SLCO4A1: variants seen among roughly 807,000 people sequenced by gnomAD.
SLCO4A1 encodes the protein solute carrier organic anion transporter family member 4A1, also known as colon organic anion transporter.
A neutral mutation model predicts 64.6 loss-of-function variants in SLCO4A1; 51 were observed. The ratio of observed to expected loss-of-function variants is 0.79; its 90% CI spans 0.63 to 1.00. The LOEUF (loss-of-function observed/expected upper bound fraction) is 1.00, where lower values mean the gene tolerates loss of function less well. SLCO4A1 is among the 50% of genes least tolerant of loss of function. The pLI, the probability that SLCO4A1 is intolerant of heterozygous loss-of-function variation, is 0.00. For synonymous variants in SLCO4A1, 471 were observed against 444.9 expected (o/e 1.06, Z -0.74); for missense variants, 919 against 980.5 (o/e 0.94, Z 0.84).
intron 1 of SLCO4A1, among the ~76,000 whole-genome samples, chr20:62,653,773 G>A (rs1983081594): frequency 6.6e-6 from 1 of 152,002 alleles, no homozygotes; most frequent in African/African-American, 2.4e-5. Context: ...CACACCAAAG[G>A]GCTTAAAAAA....
chr20:62,686,476 C>T (rs1057347183), downstream of SLCO4A1, among the ~76,000 whole-genome samples: 2 of 152,166 alleles, frequency 1.3e-5, no homozygotes, highest in Non-Finnish European at 2.9e-5. Flanking sequence ...ACACTGGCGC[C>T]AGGAGCGGGG....
rs763813461 is a variant in SLCO4A1, at chr20:62,656,942, T to TCGGGGGCTCAGGGCACAAGCCG, written c.491_512dup (p.Trp172GlyfsTer34). On this transcript the variant is annotated frameshift_variant, in exon 2 of 12. Transcript: ENST00000217159. LOFTEE classifies it high-confidence loss of function. ...CTCTGCCTCACCTTCGTCAGCTACT[T>TCGGGGGCTCAGGGCACAAGCCG]CGGGGGCTCAGGGCACAAGCCGCGC... The TCGGGGGCTCAGGGCACAAGCCG allele has an allele frequency of 7.7e-5, 121 of 1,563,958 alleles. No homozygotes were observed. The highest frequency in any genetic ancestry group is 1.0e-4 in the Non-Finnish European group (118 of 1,149,968).
At chr20:62,689,626 C>T (rs115058268), downstream of SLCO4A1, among the ~76,000 whole-genome samples, 291 of 152,324 alleles carry the variant, frequency 1.9e-3, no homozygotes, top group African/African-American at 6.6e-3. Context: ...GTCTCCACCC[C>T]GCATTGAGCC....
intron 1 of SLCO4A1, chr20:62,652,148 C>T (rs1280333177): frequency 1.3e-5 from 2 of 151,672 alleles, no homozygotes; most frequent in African/African-American, 4.9e-5. Context: ...GTTCCTTGGC[C>T]CTGTTGAGGC....
intron 2 of SLCO4A1, among the ~76,000 whole-genome samples, chr20:62,684,532 C>G (rs1047963143): frequency 1.9e-4 from 29 of 152,316 alleles, no homozygotes; most frequent in Admixed American, 1.4e-3. Context: ...ATGCCCCCAC[C>G]ACAATCACAG....
At position 62,664,958 on chromosome 20, in the gene SLCO4A1, C is replaced by A. The variant is rs1985818676; in HGVS notation, c.1146C>A (p.Asn382Lys). ...GCTCCATCTGGCTCCTGCTGAAGAA[C>A]CCCACGTTCATCCTGCTCTGCCTGG... The part of the protein sequence containing the change: ...LPLSIWLLLK[N>K]PTFILLCLAG... The change falls in exon 6 of 12, where the codon AAC becomes AAA. Residue 382 changes from asparagine (N) to lysine (K), a missense_variant. Coordinates refer to ENST00000217159, the MANE Select transcript of SLCO4A1 (RefSeq NM_016354.4). 2 of 1,612,024 alleles carry A rather than the reference C, an allele frequency of 1.2e-6. No homozygotes were observed. Among genetic ancestry groups the A allele is most frequent in the Non-Finnish European group, 1.7e-6 (2 of 1,178,958 alleles).
In SLCO4A1 at chr20:62,664,944, C is replaced by T; in HGVS notation, c.1132C>T (p.Leu378Phe). The T allele has an allele frequency of 1.2e-6, 2 of 1,608,268 alleles. No homozygotes were observed. Among genetic ancestry groups the T allele is most frequent in the Non-Finnish European group, 1.7e-6 (2 of 1,177,308 alleles). Reference protein sequence around the residue: ...TIRDLPLSIWLLLKNPTFILL... With the variant: ...TIRDLPLSIWFLLKNPTFILL... ...CCCACCTCTGCCCAGCTCCATCTGGCTCCTGCTGAAGAACCCCACGTTCAT... is the reference window on the plus strand; with the variant it reads ...CCCACCTCTGCCCAGCTCCATCTGGTTCCTGCTGAAGAACCCCACGTTCAT... The change falls in exon 6 of 12, where the codon CTC (leucine) becomes TTC (phenylalanine). Residue 378 changes from leucine to phenylalanine, a missense_variant. Transcript: ENST00000217159.
intron 9 of SLCO4A1, 113 bp downstream of exon 9, chr20:62,668,297 G>A (rs1432073639): frequency 2.2e-6 from 3 of 1,350,846 alleles, no homozygotes; most frequent in African/African-American, 2.9e-5. Flanking sequence ...GTCTAAGCGG[G>A]CCTGTCTGTC....
chr20:62,673,906 G>A (rs552240543), downstream of SLCO4A1, among the ~76,000 whole-genome samples: 6 of 152,342 alleles, frequency 3.9e-5, no homozygotes, highest in Admixed American at 2.0e-4. Context: ...AGTTTGTTCT[G>A]CAGCCATAGC....
At chr20:62,686,473 C>T (rs1988062733), downstream of SLCO4A1, among the ~76,000 whole-genome samples, 1 of 152,118 alleles carries the variant, frequency 6.6e-6, no homozygotes, top group Non-Finnish European at 1.5e-5. Flanking sequence ...AAGACACTGG[C>T]GCCAGGAGCG....
chr20:62,680,257 C>T (rs1987767610), intron 2 of SLCO4A1, among the ~76,000 whole-genome samples: 1 of 152,210 alleles, frequency 6.6e-6, no homozygotes, highest in Non-Finnish European at 1.5e-5. Flanking sequence ...CACTTTTGTG[C>T]AGATGCCATG....
chr20:62,671,214 C>G (rs1381081461), intron 11 of SLCO4A1, among the ~76,000 whole-genome samples: 11 of 152,214 alleles, frequency 7.2e-5, no homozygotes, highest in Admixed American at 4.6e-4. Context: ...GCCGCCACGA[C>G]AAAGGACCGC....
At chr20:62,646,616 T>C (rs1252651042) in intron 1 of SLCO4A1, among the ~76,000 whole-genome samples, 1 of 152,250 alleles carries the variant, frequency 6.6e-6, no homozygotes, top group Non-Finnish European at 1.5e-5. Flanking sequence ...CCTGCAGGGC[T>C]CCGGGGCCGG....
intron 1 of SLCO4A1, among the ~76,000 whole-genome samples, chr20:62,653,552 GT>G: frequency 1.3e-5 from 2 of 152,318 alleles, no homozygotes; most frequent in South Asian, 4.1e-4. Flanking sequence ...AGGCCCCTGT[GT>G]CCCCTCGCAG....
chr20:62,669,057 C>T lies in SLCO4A1; in HGVS notation c.2004C>T (p.Leu668=). 9.9e-6 allele frequency: 16 copies of T among 1,611,014 alleles called. No homozygotes were observed. Among genetic ancestry groups the T allele is most frequent in the Non-Finnish European group, 1.4e-5 (16 of 1,179,968 alleles). Residue 668 remains leucine (L), a synonymous_variant, in exon 11 of 12, where the codon CTC becomes CTT. Transcript: ENST00000217159. The part of the protein sequence containing the change: ...YQNSAMSRYI[L]IMGLLYKVLG... The stretch of plus-strand genomic sequence containing the variant: ...ATTCGGCCATGAGCCGCTACATACT[C>T]ATCATGGGGCTCCTGTACAAGGTAA...
In SLCO4A1 at chr20:62,661,670, C is replaced by T. The variant is rs986667841; in HGVS notation, c.1121+495C>T. On this transcript the variant is annotated intron_variant, in intron 5 of 11. Coordinates refer to ENST00000217159, the MANE Select transcript of SLCO4A1 (RefSeq NM_016354.4). The surrounding 1 kb of genome is among the most constrained non-coding windows in gnomAD (Gnocchi z 5.2). ...CCCTGGGATGCTGCCCCCCCATCTCCCTCCCTCCCTCAGAGTCTCTGAGGA... is the reference window on the plus strand; with the variant it reads ...CCCTGGGATGCTGCCCCCCCATCTCTCTCCCTCCCTCAGAGTCTCTGAGGA... 2.1e-4 allele frequency among the ~76,000 whole-genome samples: 31 copies of T among 150,794 alleles called. No homozygotes were observed. Among genetic ancestry groups the T allele is most frequent in the African/African-American group, 7.5e-4 (31 of 41,078 alleles).
downstream of SLCO4A1, among the ~76,000 whole-genome samples, chr20:62,688,173 C>G (rs1600706081): frequency 6.6e-6 from 1 of 152,170 alleles, no homozygotes; most frequent in Non-Finnish European, 1.5e-5. Flanking sequence ...ACACGCCACC[C>G]CATATGCAAG....
intron 2 of SLCO4A1, among the ~76,000 whole-genome samples, chr20:62,678,466 T>G (rs1987688344): frequency 1.3e-5 from 2 of 151,452 alleles, no homozygotes; most frequent in Non-Finnish European, 2.9e-5. Flanking sequence ...GAAATTCCAC[T>G]CCTAGAGAAA....
intron 10 of SLCO4A1, 79 bp from the exon 11 acceptor site, chr20:62,668,846 TCATTC>T: frequency 7.2e-7 from 1 of 1,383,312 alleles, no homozygotes; most frequent in Non-Finnish European, 9.8e-7. Flanking sequence ...CCAGAGCCCA[TCATTC>T]CAGGCCTCTT....
Sources: allele counts gnomAD v4.1 joint callset (sites outside exome capture counted in the v4.1 genomes callset), GRCh38; gene constraint gnomAD v4.1.1; non-coding constraint Gnocchi (gnomAD v3.1); transcripts MANE v1.5; gene names NCBI Gene and HGNC (gene_info 2026-07-23, HGNC 2026-07-21).